INPP1: variants seen among roughly 807,000 people sequenced by gnomAD.
INPP1 encodes inositol polyphosphate 1-phosphatase.
In INPP1, 18 loss-of-function variants were observed where a neutral mutation model predicts 23.0. The observed-to-expected ratio is 0.78, with a 90% CI of 0.54 to 1.16. The LOEUF (loss-of-function observed/expected upper bound fraction) is 1.16, where lower values mean the gene tolerates loss of function less well. Among genes scored for constraint, INPP1 ranks in the 50% most tolerant of loss-of-function variants. The pLI is 0.00. For missense variants in INPP1, 448 were observed against 482.1 expected (o/e 0.93, Z 0.66); for synonymous variants, 164 against 176.3 (o/e 0.93, Z 0.55).
At chr2:190,348,589 T>C (rs1301587737) in intron 1 of INPP1, among the ~76,000 whole-genome samples, 2 of 152,196 alleles carry the variant, frequency 1.3e-5, no homozygotes, top group Non-Finnish European at 2.9e-5. Context: ...CTACTTTCTG[T>C]CTCCACGAAT....
chr2:190,368,572 T>C lies in INPP1; in HGVS notation c.467-531T>C, dbSNP rs1689731085. 1 of 152,226 alleles carries C rather than the reference T, an allele frequency of 6.6e-6. No homozygotes were observed. The highest frequency in any genetic ancestry group is 6.5e-5 in the Admixed American group (1 of 15,276). The allele number at this position is 152,226 out of a possible 1,614,324, so 9.4% of individuals were successfully genotyped here. On this transcript the variant is annotated intron_variant, in intron 5 of 6. Coordinates refer to ENST00000392329, the MANE Select transcript of INPP1 (RefSeq NM_001128928.2). This position sits in a 1 kb window ranked among gnomAD's most constrained non-coding sequence, Gnocchi z 4.3. Reference sequence around the variant, plus strand: ...CACACAATGTGAGATAAGCACATCATAGAGAATGGGGTATCCATCCCTTTG... The same window carrying C: ...CACACAATGTGAGATAAGCACATCACAGAGAATGGGGTATCCATCCCTTTG...
chr2:190,360,316 G>C lies in INPP1; in HGVS notation c.204+10G>C, dbSNP rs141092597. 6 of 1,612,598 alleles carry C rather than the reference G, an allele frequency of 3.7e-6. No individual in the cohort carries two copies. Among genetic ancestry groups the C allele is most frequent in the East Asian group, 2.2e-5 (1 of 44,852 alleles). ...GAATATGGAGAACAAGGTAAGAAAG[G>C]TCATAGCCAAGGTAACTGCAAAATA... On this transcript the variant is annotated intron_variant, in intron 3 of 6. Transcript: ENST00000392329.
rs1449026615 is a variant in INPP1, at chr2:190,354,796, A to C, written c.-64-5243A>C. On this transcript the variant is annotated intron_variant, in intron 2 of 6. Coordinates refer to ENST00000392329, the MANE Select transcript of INPP1 (RefSeq NM_001128928.2). The surrounding 1 kb of genome is among the most constrained non-coding windows in gnomAD (Gnocchi z 4.8). ...AGACATCAGTGGAACTTAATAGATG[A>C]GCTTTTACTACCCAGAAGGGTCCTT... Among the ~76,000 whole-genome samples, 1 of 152,184 alleles carries C rather than the reference A, an allele frequency of 6.6e-6. No homozygotes were observed. The highest frequency in any genetic ancestry group is 2.4e-5 in the African/African-American group (1 of 41,440).
In INPP1 at chr2:190,365,299, G is replaced by A. The variant is rs1046399414; in HGVS notation, c.266-1396G>A. On this transcript the variant is annotated intron_variant, in intron 4 of 6. Transcript: ENST00000392329. ...GCTATTTATATGTATACCATTTAGA[G>A]GCATAAAGTTTTACTACATTTAAAG... 22 of 158,602 alleles carry A rather than the reference G, an allele frequency of 1.4e-4. No individual in the cohort carries two copies. The Middle Eastern group carries it at 0.01, about 75-fold the overall frequency. 9.8% of individuals were successfully genotyped at this position (158,602 alleles called of 1,614,324 possible). A position where few individuals can be genotyped will look rare whatever the true frequency, so the allele number is the denominator to read the frequency against.
rs1029403488 is a variant in INPP1 at position 190,367,191 on chromosome 2, C to A, written c.466+296C>A. Among the ~76,000 whole-genome samples, 4 of 152,022 alleles carry A rather than the reference C, an allele frequency of 2.6e-5. No homozygotes were observed. Among genetic ancestry groups the A allele is most frequent in the Non-Finnish European group, 4.4e-5 (3 of 68,018 alleles). ...GATGAATTAACTTCTCTTCAAAAGA[C>A]TTCAGGGACCAGACTGGTAAGTAAA... is the stretch of plus-strand genomic sequence containing the variant. On this transcript the variant is annotated intron_variant, in intron 5 of 6. Transcript: ENST00000392329. The surrounding 1 kb of genome is among the most constrained non-coding windows in gnomAD (Gnocchi z 4.1).
rs144177328 is a variant in INPP1 at position 190,371,296 on chromosome 2, G to A, written c.1094G>A (p.Arg365Gln). The change falls in exon 7 of 7, where the codon CGG (arginine) becomes CAG (glutamine). Residue 365 changes from arginine to glutamine, a missense_variant. Arg to Gln is a conservative substitution (Grantham distance 43). Coordinates refer to ENST00000392329, the MANE Select transcript of INPP1 (RefSeq NM_001128928.2). The surrounding 1 kb of genome is among the most constrained non-coding windows in gnomAD (Gnocchi z 5.3). ...VENEGAAGVD[R>Q]WANKGGLIAY... ...AATGAGGGTGCTGCTGGGGTGGATC[G>A]GTGGGCCAACAAGGGAGGACTCATT... 29 of 1,608,772 alleles carry A rather than the reference G, an allele frequency of 1.8e-5. No individual in the cohort carries two copies. The African/African-American group carries it at 2.8e-4, about 16-fold the overall frequency.
chr2:190,362,512 G>T (rs1415188571), intron 3 of INPP1, 115 bp from the exon 4 acceptor site: 1 of 561,270 alleles, frequency 1.8e-6, no homozygotes, highest in Non-Finnish European at 3.0e-6. Context: ...TGGAAATTTT[G>T]GAATTTCAGT....
In INPP1 at chr2:190,370,988, C is replaced by G; in HGVS notation, c.786C>G (p.Ala262=). The G allele has an allele frequency of 1.9e-6, 3 of 1,614,080 alleles. No homozygotes were observed. The highest frequency in any genetic ancestry group is 2.5e-6 in the Non-Finnish European group (3 of 1,180,030). ...SEAAFSPSFS[A]VISTSEKETI... The stretch of plus-strand genomic sequence containing the variant: ...CAGCATTCTCCCCCAGTTTTTCAGC[C>G]GTAATTAGTACAAGTGAAAAGGAGA... Residue 262 remains alanine, a synonymous_variant, in exon 7 of 7, where the codon GCC becomes GCG. Coordinates refer to ENST00000392329, the MANE Select transcript of INPP1 (RefSeq NM_001128928.2).
intron 4 of INPP1, among the ~76,000 whole-genome samples, chr2:190,366,157 G>T (rs1015550359): frequency 8.4e-6 from 1 of 119,332 alleles, no homozygotes; most frequent in Non-Finnish European, 1.7e-5. Flanking sequence ...CTCTTTCGCT[G>T]TCTCTCTCGC....
chr2:190,357,657 TAACTC>T (rs1689443134), intron 2 of INPP1, among the ~76,000 whole-genome samples: 3 of 152,244 alleles, frequency 2.0e-5, no homozygotes, highest in African/African-American at 7.2e-5. Context: ...AGAAATATTT[TAACTC>T]AACTCTGATT....
intron 2 of INPP1, among the ~76,000 whole-genome samples, chr2:190,359,065 C>T (rs1689481051): frequency 6.6e-6 from 1 of 151,934 alleles, no homozygotes; most frequent in Admixed American, 6.6e-5. Flanking sequence ...TTTGGGAGGC[C>T]GAGGTAGGAG....
chr2:190,368,913 T>C lies in INPP1; in HGVS notation c.467-190T>C, dbSNP rs1356124015. 3 of 406,748 alleles carry C rather than the reference T, an allele frequency of 7.4e-6. No homozygotes were observed. The highest frequency in any genetic ancestry group is 1.3e-5 in the Non-Finnish European group (3 of 228,130). 25.2% of individuals were successfully genotyped at this position (406,748 alleles called of 1,614,324 possible). ...ACACATCCTCTCCCTTCAAGAGTTC[T>C]CACAGTCAGGAAAATGAAACACAAG... On this transcript the variant is annotated intron_variant, in intron 5 of 6. Coordinates refer to ENST00000392329, the MANE Select transcript of INPP1 (RefSeq NM_001128928.2). This position sits in a 1 kb window ranked among gnomAD's most constrained non-coding sequence, Gnocchi z 4.3.
chr2:190,351,518 G>A (rs1216492867), intron 2 of INPP1, among the ~76,000 whole-genome samples: 2 of 152,130 alleles, frequency 1.3e-5, no homozygotes, highest in African/African-American at 4.8e-5. Flanking sequence ...CGTTGCTATA[G>A]GTTGGTTTTG....
At chr2:190,343,996 G>C (rs1044074130) in intron 1 of INPP1, 35 bp downstream of exon 1, 10 of 323,302 alleles carry the variant, frequency 3.1e-5, no homozygotes, top group African/African-American at 2.3e-4. Context: ...ACCCACCACA[G>C]GGTCCCCGCG....
chr2:190,344,013 C>G (rs1194223924), intron 1 of INPP1, 52 bp downstream of exon 1: 1 of 334,638 alleles, frequency 3.0e-6, no homozygotes, highest in Admixed American at 4.1e-5. Context: ...CGCGCCGCTG[C>G]CCCTCCTCCT....
At chr2:190,349,390 C>T (rs990135043) in intron 2 of INPP1, among the ~76,000 whole-genome samples, 1 of 152,166 alleles carries the variant, frequency 6.6e-6, no homozygotes, top group Non-Finnish European at 1.5e-5. Flanking sequence ...TGAGCTGATA[C>T]TGTACCATTG....
At position 190,364,606 on chromosome 2, in the gene INPP1, T is replaced by TTTTTTTG. The variant is rs796196740; in HGVS notation, c.265+1919_265+1920insTTTTTTG. On this transcript the variant is annotated intron_variant, in intron 4 of 6. Transcript: ENST00000392329. ...GAGGTTCTGATTTTTTTTTTTTTTT[T>TTTTTTTG]GTTAGATGGAGTCTCCCTCTGTTGC... 4.3e-4 allele frequency among the ~76,000 whole-genome samples: 41 copies of TTTTTTTG among 96,350 alleles called. 2 individuals carry two copies. The highest frequency in any genetic ancestry group is 0.016 in the Middle Eastern group (2 of 124). 63.2% of individuals were successfully genotyped at this position (96,350 alleles called of 152,430 possible).
chr2:190,360,338 A>C lies in INPP1; in HGVS notation c.204+32A>C, dbSNP rs372643985. The C allele has an allele frequency of 1.3e-4, 207 of 1,591,516 alleles. 1 individual carries two copies. The highest frequency in any genetic ancestry group is 1.7e-4 in the Non-Finnish European group (200 of 1,161,414). Reference sequence around the variant, plus strand: ...AAGGTCATAGCCAAGGTAACTGCAAAATAGTTGCATCTGTGGCTTTCTCCA... The same window carrying C: ...AAGGTCATAGCCAAGGTAACTGCAACATAGTTGCATCTGTGGCTTTCTCCA... On this transcript the variant is annotated intron_variant, in intron 3 of 6. Coordinates refer to ENST00000392329, the MANE Select transcript of INPP1 (RefSeq NM_001128928.2).
In INPP1 at chr2:190,355,524, C is replaced by T. The variant is rs1248664424; in HGVS notation, c.-64-4515C>T. Among the ~76,000 whole-genome samples, 1 of 152,168 alleles carries T rather than the reference C, an allele frequency of 6.6e-6. No homozygotes were observed. The highest frequency in any genetic ancestry group is 1.5e-5 in the Non-Finnish European group (1 of 68,026). Reference sequence around the variant, plus strand: ...AAAAATACAGATTCCTAGGGCTTGTCTCCAGAGATTCTGATTCACTAAGCT... The same window carrying T: ...AAAAATACAGATTCCTAGGGCTTGTTTCCAGAGATTCTGATTCACTAAGCT... On this transcript the variant is annotated intron_variant, in intron 2 of 6. Coordinates refer to ENST00000392329, the MANE Select transcript of INPP1 (RefSeq NM_001128928.2). This position sits in a 1 kb window ranked among gnomAD's most constrained non-coding sequence, Gnocchi z 5.1.
Sources: gnomAD v4.1 joint callset for allele counts (sites outside exome capture counted in the v4.1 genomes callset) on GRCh38, gnomAD v4.1.1 for gene constraint, Gnocchi (gnomAD v3.1) non-coding constraint, MANE v1.5 for transcripts, NCBI Gene and HGNC (gene_info 2026-07-23, HGNC 2026-07-21) for gene names.